UROS: variants seen among roughly 807,000 people sequenced by gnomAD.
UROS encodes the protein uroporphyrinogen III synthase.
UROS carries 18 observed loss-of-function variants against 33.0 expected under a neutral mutation model. That is an observed-to-expected ratio of 0.55 (90% confidence interval 0.38 to 0.81). UROS has a LOEUF of 0.81. Among genes scored for constraint, UROS ranks in the 30% least tolerant of loss-of-function variants. The pLI, the probability that UROS is intolerant of heterozygous loss-of-function variation, is 0.00. For synonymous variants in UROS, 114 were observed against 121.1 expected (o/e 0.94, Z 0.38); for missense variants, 293 against 314.9 (o/e 0.93, Z 0.53).
intron 3 of UROS, among the ~76,000 whole-genome samples, 157 bp downstream of exon 3, chr10:125,816,020 C>G (rs1045730561): frequency 1.3e-5 from 2 of 152,126 alleles, no homozygotes; most frequent in African/African-American, 4.8e-5. Context: ...TCAGAACCTC[C>G]CAACAGCAGC....
chr10:125,798,012 G>A, intron 7 of UROS, 53 bp downstream of exon 7: 1 of 1,601,578 alleles, frequency 6.2e-7, no homozygotes, highest in Non-Finnish European at 8.6e-7. Flanking sequence ...CACTGCAAAG[G>A]CTCCTGGTGG....
chr10:125,817,657 G>C (rs1250843914), intron 1 of UROS, among the ~76,000 whole-genome samples: 1 of 151,772 alleles, frequency 6.6e-6, no homozygotes, highest in African/African-American at 2.4e-5. Flanking sequence ...TGCCTCCCAG[G>C]CACTATTCTA....
downstream of UROS, among the ~76,000 whole-genome samples, chr10:125,786,558 C>T (rs188616594): frequency 1.3e-5 from 2 of 152,322 alleles, no homozygotes; most frequent in Non-Finnish European, 2.9e-5. Context: ...GCCACCGCGC[C>T]TGGCCACATG....
chr10:125,805,893 T>C (rs891794053), intron 6 of UROS, among the ~76,000 whole-genome samples: 6 of 151,998 alleles, frequency 3.9e-5, no homozygotes, highest in Admixed American at 1.3e-4. Flanking sequence ...TTAAAAGAAA[T>C]TAGAAAAGAG....
At chr10:125,795,964 G>A (rs1851314606) in intron 8 of UROS, 139 bp downstream of exon 8, 1 of 804,650 alleles carries the variant, frequency 1.2e-6, no homozygotes, top group African/African-American at 1.7e-5. Context: ...CCAACTATGT[G>A]ACAGGAAAAG....
chr10:125,822,315 A>G (rs1211786442), intron 1 of UROS, among the ~76,000 whole-genome samples: 1 of 127,256 alleles, frequency 7.9e-6, no homozygotes, highest in African/African-American at 3.1e-5. Context: ...ACTGGCCCCG[A>G]AGCATTTTTT....
downstream of UROS, chr10:125,785,597 C>G (rs978154238): frequency 3.3e-5 from 5 of 152,214 alleles, no homozygotes; most frequent in African/African-American, 1.2e-4. Context: ...ACGCTTAACT[C>G]ATTAAGTGAG....
At chr10:125,802,501 T>C (rs950330446) in intron 6 of UROS, 3 of 988,818 alleles carry the variant, frequency 3.0e-6, no homozygotes, top group Non-Finnish European at 3.6e-6. Flanking sequence ...CAGATGCTCT[T>C]TGAATTGGCC....
At chr10:125,816,134 G>A in intron 3 of UROS, 43 bp downstream of exon 3, 1 of 1,567,256 alleles carries the variant, frequency 6.4e-7, no homozygotes. Flanking sequence ...TGGCAAGGGA[G>A]AAATCAAACA....
intron 6 of UROS, among the ~76,000 whole-genome samples, chr10:125,798,560 C>T (rs1305364260): frequency 6.6e-6 from 1 of 152,230 alleles, no homozygotes; most frequent in Non-Finnish European, 1.5e-5. Flanking sequence ...TAAAGAGGCT[C>T]CAGATGAGCC....
rs370044231 is a variant in UROS at position 125,802,910 on chromosome 10, C to T, written c.394+4503G>A. ...CCTCACCCTCAGGGGCTTTCCCCAC[C>T]GCCTTGCCACCAAGGATGCGGCTAA... On this transcript the variant is annotated intron_variant, in intron 6 of 9. Coordinates refer to ENST00000368797, the MANE Select transcript of UROS (RefSeq NM_000375.3). 95 of 1,601,796 alleles carry T rather than the reference C, an allele frequency of 5.9e-5. 1 individual carries two copies. In the Middle Eastern group the frequency reaches 9.9e-4, roughly 17 times the overall value.
intron 7 of UROS, 123 bp from the exon 8 acceptor site, chr10:125,796,311 T>G: frequency 1.0e-6 from 1 of 1,001,970 alleles, no homozygotes; most frequent in Non-Finnish European, 1.6e-6. Flanking sequence ...ACGAGCTGCT[T>G]GGAAGCTGAG....
rs370819313 is a variant in UROS at position 125,817,444 on chromosome 10, TAAGG to T, written c.-26-923_-26-920del. ...TTCTCCCTTCTCTAAGGTGATAATA[TAAGG>T]AAGGAAGTATGGTGTCACAGAATAA... On this transcript the variant is annotated intron_variant, in intron 1 of 9. Coordinates refer to ENST00000368797, the MANE Select transcript of UROS (RefSeq NM_000375.3). Among the ~76,000 whole-genome samples the T allele has an allele frequency of 1.8e-3, 278 of 151,498 alleles. 4 individuals carry two copies. The South Asian group carries it at 0.026, about 14-fold the overall frequency.
At position 125,823,233 on chromosome 10, in the gene UROS, G is replaced by A; in HGVS notation, c.-231C>T. On this transcript the variant is annotated 5_prime_UTR_variant, in exon 1 of 10. Coordinates refer to ENST00000368797, the MANE Select transcript of UROS (RefSeq NM_000375.3). ...TCAGACTGGGGTCGCGTGGGTGGCT[G>A]CGCGCAGCTAGGCGCTCGCGCATGC... is the stretch of plus-strand genomic sequence containing the variant. 1 of 242,114 alleles carries A rather than the reference G, an allele frequency of 4.1e-6. No individual in the cohort carries two copies. Among genetic ancestry groups the A allele is most frequent in the East Asian group, 8.4e-5 (1 of 11,976 alleles). The allele number at this position is 242,114 out of a possible 1,614,324, so 15.0% of individuals were successfully genotyped here.
chr10:125,816,127 C>T, intron 3 of UROS, 50 bp downstream of exon 3: 1 of 1,541,220 alleles, frequency 6.5e-7, no homozygotes, highest in Non-Finnish European at 9.0e-7. Flanking sequence ...CTTCAGCTGG[C>T]AAGGGAGAAA....
At chr10:125,817,624 G>C (rs1220716339) in intron 1 of UROS, among the ~76,000 whole-genome samples, 1 of 77,272 alleles carries the variant, frequency 1.3e-5, no homozygotes, top group Non-Finnish European at 2.8e-5. Flanking sequence ...GATAAAAACA[G>C]CGAACAGATC....
chr10:125,798,977 G>GT (rs771744090), intron 6 of UROS, among the ~76,000 whole-genome samples: 2 of 152,118 alleles, frequency 1.3e-5, no homozygotes, highest in Non-Finnish European at 2.9e-5. Context: ...ACATCCATCC[G>GT]TAAGACATAA....
At position 125,823,235 on chromosome 10, in the gene UROS, G is replaced by C; in HGVS notation, c.-233C>G. On this transcript the variant is annotated 5_prime_UTR_variant, in exon 1 of 10. Transcript: ENST00000368797. ...AGACTGGGGTCGCGTGGGTGGCTGCGCGCAGCTAGGCGCTCGCGCATGCGC... is the reference window on the plus strand; with the variant it reads ...AGACTGGGGTCGCGTGGGTGGCTGCCCGCAGCTAGGCGCTCGCGCATGCGC... The C allele has an allele frequency of 1.7e-5, 4 of 241,918 alleles. No homozygotes were observed. The highest frequency in any genetic ancestry group is 1.9e-4 in the South Asian group (2 of 10,374). The allele number at this position is 241,918 out of a possible 1,614,324, so 15.0% of individuals were successfully genotyped here.
chr10:125,785,426 C>T (rs1850611801), downstream of UROS: 1 of 152,210 alleles, frequency 6.6e-6, no homozygotes, highest in African/African-American at 2.4e-5. Flanking sequence ...GATTCTTGTT[C>T]CAGAGTAATG....
Sources: gnomAD v4.1 joint callset for allele counts (sites outside exome capture counted in the v4.1 genomes callset) on GRCh38, gnomAD v4.1.1 for gene constraint, MANE v1.5 for transcripts, NCBI Gene and HGNC (gene_info 2026-07-23, HGNC 2026-07-21) for gene names.